Variants in CHSY3 observed in about 807,000 individuals in gnomAD.
The protein encoded by CHSY3 is N-acetylgalactosaminyl-proteoglycan 3-beta-glucuronosyltransferase 3.
Under a neutral mutation model 67.2 loss-of-function variants are expected in CHSY3, and 35 were observed. The ratio of observed to expected loss-of-function variants is 0.52; its 90% CI spans 0.40 to 0.69. The LOEUF (loss-of-function observed/expected upper bound fraction) is 0.69, where lower values mean the gene tolerates loss of function less well. Among genes scored for constraint, CHSY3 ranks in the 30% least tolerant of loss-of-function variants. The pLI, the probability that CHSY3 is intolerant of heterozygous loss-of-function variation, is 0.00. For synonymous variants in CHSY3, 474 were observed against 434.7 expected, an observed-to-expected ratio of 1.09 and a Z score of -1.12; for missense variants, 1,069 against 1,138.5, an observed-to-expected ratio of 0.94 and a Z score of 0.88.
chr5:130,098,979 A>C (rs1767140276), intron 2 of CHSY3, among the ~76,000 whole-genome samples: 2 of 152,176 alleles, frequency 1.3e-5, no homozygotes, highest in Admixed American at 1.3e-4. Flanking sequence ...CTTGCAGCAC[A>C]ACCCTAAATA....
chr5:130,166,381 A>G (rs1345999151), intron 2 of CHSY3, among the ~76,000 whole-genome samples: 1 of 152,048 alleles, frequency 6.6e-6, no homozygotes, highest in Non-Finnish European at 1.5e-5. Context: ...ATTTTATTAA[A>G]CTTACCCTTT....
Position 129,905,197 on chromosome 5 carries a change from G to T in CHSY3, c.368G>T (p.Gly123Val). Residue 123 changes from glycine to valine, a missense_variant, in exon 1 of 3, where the codon GGG (glycine) becomes GTG (valine). Transcript: ENST00000305031. ...RRGREPEGAT[G>V]LPGAPAAEGE... ...GGACGCGAGCCTGAGGGCGCGACGG[G>T]GCTTCCCGGTGCTCCAGCGGCCGAG... 6.6e-7 allele frequency: 1 copy of T among 1,517,558 alleles called. No homozygotes were observed. The highest frequency in any genetic ancestry group is 1.4e-5 in the African/African-American group (1 of 70,544). The allele number at this position is 1,517,558 out of a possible 1,614,324, so 94.0% of individuals were successfully genotyped here.
chr5:130,030,251 T>G (rs1764669725), intron 2 of CHSY3, among the ~76,000 whole-genome samples: 1 of 152,114 alleles, frequency 6.6e-6, no homozygotes, highest in African/African-American at 2.4e-5. Context: ...AGTTTTCTGG[T>G]TATATGATGT....
intron 2 of CHSY3, among the ~76,000 whole-genome samples, chr5:130,063,500 T>G (rs1213017776): frequency 6.6e-6 from 1 of 152,132 alleles, no homozygotes; most frequent in Non-Finnish European, 1.5e-5. Context: ...TCCCTAAATT[T>G]CCATCTTCAT....
At chr5:129,930,403 A>C (rs1761261073) in intron 2 of CHSY3, among the ~76,000 whole-genome samples, 1 of 151,536 alleles carries the variant, frequency 6.6e-6, no homozygotes, top group South Asian at 2.1e-4. Flanking sequence ...GTAGCTATGG[A>C]AACAAGATAG....
chr5:129,968,267 T>A (rs1434571017), intron 2 of CHSY3, among the ~76,000 whole-genome samples: 2 of 151,832 alleles, frequency 1.3e-5, no homozygotes, highest in Non-Finnish European at 2.9e-5. Context: ...TTATGTGAAT[T>A]CCCTGTTTTC....
At chr5:129,964,586 C>A (rs907662669) in intron 2 of CHSY3, among the ~76,000 whole-genome samples, 6 of 151,720 alleles carry the variant, frequency 4.0e-5, no homozygotes, top group East Asian at 2.0e-4. Flanking sequence ...GAAAACAATG[C>A]GCAGTCCTAT....
intron 2 of CHSY3, among the ~76,000 whole-genome samples, chr5:130,182,007 T>TAC (rs1770264197): frequency 6.6e-6 from 1 of 151,564 alleles, no homozygotes; most frequent in South Asian, 2.1e-4. Flanking sequence ...TATATATATA[T>TAC]ATGTATTTCT....
chr5:129,963,455 G>C (rs1471945331), intron 2 of CHSY3, among the ~76,000 whole-genome samples: 1 of 151,964 alleles, frequency 6.6e-6, no homozygotes, highest in Non-Finnish European at 1.5e-5. Flanking sequence ...TCATGGGACT[G>C]GTATAACATT....
chr5:130,000,996 T>C (rs1021145634), intron 2 of CHSY3, among the ~76,000 whole-genome samples: 1 of 151,582 alleles, frequency 6.6e-6, no homozygotes, highest in Admixed American at 6.6e-5. Flanking sequence ...GTTCAAACGA[T>C]TCTCCTGCCT....
intron 2 of CHSY3, among the ~76,000 whole-genome samples, chr5:129,915,113 C>T (rs1291130506): frequency 5.9e-5 from 9 of 152,046 alleles, no homozygotes; most frequent in Non-Finnish European, 1.3e-4. Context: ...ATATATTCTA[C>T]TATATAACTA....
intron 2 of CHSY3, among the ~76,000 whole-genome samples, chr5:130,148,949 T>C (rs1056400780): frequency 2.0e-5 from 3 of 152,230 alleles, no homozygotes; most frequent in African/African-American, 7.2e-5. Context: ...TTTTGGCATC[T>C]TCATTATGAA....
At chr5:130,181,161 A>G (rs1297499184) in intron 2 of CHSY3, among the ~76,000 whole-genome samples, 1 of 152,082 alleles carries the variant, frequency 6.6e-6, no homozygotes, top group Non-Finnish European at 1.5e-5. Flanking sequence ...GTTGTTGTGA[A>G]ATGATTTTTC....
intron 2 of CHSY3, among the ~76,000 whole-genome samples, chr5:130,160,530 G>A (rs1769499406): frequency 6.6e-6 from 1 of 152,138 alleles, no homozygotes; most frequent in Non-Finnish European, 1.5e-5. Flanking sequence ...ACAGTTTACT[G>A]AGCACCTACT....
chr5:130,015,163 C>T (rs969497535), intron 2 of CHSY3, among the ~76,000 whole-genome samples: 2 of 152,068 alleles, frequency 1.3e-5, no homozygotes, highest in Non-Finnish European at 2.9e-5. Flanking sequence ...GTGTGTGGCA[C>T]TTCCCCCTTC....
chr5:129,924,870 A>C (rs1022715974), intron 2 of CHSY3, among the ~76,000 whole-genome samples: 8 of 152,156 alleles, frequency 5.3e-5, no homozygotes, highest in African/African-American at 1.9e-4. Context: ...GACTACTAAA[A>C]AAATTTTTAA....
Position 130,184,406 on chromosome 5 carries a change from A to G in CHSY3, c.1264A>G (p.Ile422Val), listed in dbSNP as rs1770344787. Residue 422 changes from isoleucine to valine, a missense_variant, in exon 3 of 3, where the codon ATC (isoleucine) becomes GTC (valine). Coordinates refer to ENST00000305031, the MANE Select transcript of CHSY3 (RefSeq NM_175856.5). ...AATTTCTGAACTTCGCTACCGCACC[A>G]TCCAGCTCCACAGGGAAAGTGCCCT... is the stretch of plus-strand genomic sequence containing the variant. Reference protein sequence around the residue: ...RKISELRYRTIQLHRESALMS... With the variant: ...RKISELRYRTVQLHRESALMS... The G allele has an allele frequency of 6.2e-7, 1 of 1,613,662 alleles. No individual in the cohort carries two copies. Among genetic ancestry groups the G allele is most frequent in the African/African-American group, 1.3e-5 (1 of 75,052 alleles).
intron 2 of CHSY3, among the ~76,000 whole-genome samples, chr5:130,091,639 CT>C (rs1457745006): frequency 1.3e-5 from 2 of 152,110 alleles, no homozygotes; most frequent in African/African-American, 4.8e-5. Context: ...GATAATTACA[CT>C]TCATAAAGTT....
At chr5:129,935,776 C>A (rs1215097617) in intron 2 of CHSY3, among the ~76,000 whole-genome samples, 1 of 152,172 alleles carries the variant, frequency 6.6e-6, no homozygotes, top group Non-Finnish European at 1.5e-5. Context: ...ACTGAAGCTG[C>A]CACATGTCAA....
Sources: allele counts gnomAD v4.1 joint callset (sites outside exome capture counted in the v4.1 genomes callset), GRCh38; gene constraint gnomAD v4.1.1; transcripts MANE v1.5; gene names NCBI Gene and HGNC (gene_info 2026-07-23, HGNC 2026-07-21).